The following SERPINA3 variants were observed in gnomAD, a reference collection of about 807,000 sequenced individuals.
SERPINA3 encodes serpin family A member 3, also known as alpha-1-antichymotrypsin.
SERPINA3 carries 32 observed loss-of-function variants against 26.8 expected under a neutral mutation model. The ratio of observed to expected loss-of-function variants is 1.20; its 90% CI spans 0.90 to 1.61. SERPINA3 has a LOEUF of 1.61. Ranked by LOEUF, SERPINA3 falls within the 40% of genes most tolerant of loss-of-function variation. The pLI is 0.00. For missense variants in SERPINA3, 632 were observed against 517.9 expected, an observed-to-expected ratio of 1.22 and a Z score of -2.14; for synonymous variants, 252 against 206.4, an observed-to-expected ratio of 1.22 and a Z score of -1.89.
intron 3 of SERPINA3, among the ~76,000 whole-genome samples, chr14:94,620,336 G>A (rs768113015): frequency 2.6e-5 from 4 of 152,170 alleles, no homozygotes; most frequent in Non-Finnish European, 4.4e-5. Context: ...ATCTTGTCTT[G>A]ATCAGGGAGG....
intron 3 of SERPINA3, 58 bp from the exon 4 acceptor site, chr14:94,622,283 G>A: frequency 6.4e-7 from 1 of 1,555,306 alleles, no homozygotes; most frequent in South Asian, 1.1e-5. Context: ...TGCGAGGTGG[G>A]AGGCAGGTAG....
chr14:94,614,560 A>G lies in SERPINA3; in HGVS notation c.119A>G (p.Asp40Gly). 1.2e-6 allele frequency: 2 copies of G among 1,614,064 alleles called. No individual in the cohort carries two copies. Among genetic ancestry groups the G allele is most frequent in the Non-Finnish European group, 1.7e-6 (2 of 1,180,008 alleles). Residue 40 changes from aspartate (D) to glycine (G), a missense_variant, in exon 2 of 5, where the codon GAC (aspartate) becomes GGC (glycine). Asp to Gly is a moderately conservative substitution (Grantham distance 94). Transcript: ENST00000393078. ...DEENLTQENQ[D>G]RGTHVDLGLA... Reference sequence around the variant, plus strand: ...GAGAATCTGACCCAGGAGAACCAAGACCGAGGGACACACGTGGACCTCGGA... The same window carrying G: ...GAGAATCTGACCCAGGAGAACCAAGGCCGAGGGACACACGTGGACCTCGGA...
chr14:94,621,118 G>A (rs1315001855), intron 3 of SERPINA3, among the ~76,000 whole-genome samples: 1 of 152,108 alleles, frequency 6.6e-6, no homozygotes, highest in East Asian at 1.9e-4. Flanking sequence ...CCACTGTCCA[G>A]AAGGCCGGAC....
chr14:94,612,425 C>A lies in SERPINA3; in HGVS notation c.-31C>A, dbSNP rs1358351153. The A allele has an allele frequency of 1.5e-6, 2 of 1,365,542 alleles. No homozygotes were observed. Among genetic ancestry groups the A allele is most frequent in the Admixed American group, 3.8e-5 (2 of 52,524 alleles). The allele number at this position is 1,365,542 out of a possible 1,614,324, so 84.6% of individuals were successfully genotyped here. ...GACAGACGGCTTTGGAATCCACCAG[C>A]TACATCCAGCTCCCTGAGGCAGGTA... is the stretch of plus-strand genomic sequence containing the variant. On this transcript the variant is annotated 5_prime_UTR_variant, in exon 1 of 5. Transcript: ENST00000393078.
At position 94,619,175 on chromosome 14, in the gene SERPINA3, A is replaced by G. The variant is rs778170089; in HGVS notation, c.644-20A>G. 1.1e-5 allele frequency: 17 copies of G among 1,614,012 alleles called. No individual in the cohort carries two copies. The highest frequency in any genetic ancestry group is 1.4e-5 in the Non-Finnish European group (17 of 1,179,984). ...GACCCTTGCACTCACACCTTCTCCA[A>G]CTGCTTGCTCCACCTTCAGCCAAAT... On this transcript the variant is annotated intron_variant, in intron 2 of 4. Transcript: ENST00000393078.
intron 4 of SERPINA3, 120 bp from the exon 5 acceptor site, chr14:94,623,491 A>C (rs1244982513): frequency 1.1e-6 from 1 of 916,522 alleles, no homozygotes; most frequent in Admixed American, 1.9e-5. Flanking sequence ...ATTCAACAGC[A>C]CAAAGACAGG....
Position 94,622,238 on chromosome 14 carries a change from G to C in SERPINA3, c.918-103G>C, listed in dbSNP as rs1050458405. 8.0e-6 allele frequency: 8 copies of C among 996,388 alleles called. No individual in the cohort carries two copies. In the Admixed American group the frequency reaches 8.5e-5, roughly 11 times the overall value. 61.7% of individuals were successfully genotyped at this position (996,388 alleles called of 1,614,324 possible). On this transcript the variant is annotated intron_variant, in intron 3 of 4. Transcript: ENST00000393078. ...AGATTATTTATTTTCCAATCAGAAG[G>C]GGGTGACTGTAGAGGAAACCAGGGA... is the stretch of plus-strand genomic sequence containing the variant.
intron 2 of SERPINA3, chr14:94,618,869 G>C (rs567704275): frequency 2.1e-6 from 1 of 468,162 alleles, no homozygotes; most frequent in South Asian, 2.2e-5. Flanking sequence ...TTTCTCCTCA[G>C]GCACCAGCCT....
chr14:94,618,999 G>A (rs1265462906), intron 2 of SERPINA3, 196 bp from the exon 3 acceptor site: 6 of 648,522 alleles, frequency 9.3e-6, no homozygotes, highest in South Asian at 1.8e-5. Context: ...TCTTTCTTTT[G>A]TGGCCCTTTT....
intron 2 of SERPINA3, chr14:94,618,294 G>A (rs1886073333): frequency 6.6e-6 from 1 of 152,036 alleles, no homozygotes; most frequent in Non-Finnish European, 1.5e-5. Context: ...TAGGCCTTTA[G>A]TGAGAGGAGT....
At position 94,622,410 on chromosome 14, in the gene SERPINA3, C is replaced by T. The variant is rs201733121; in HGVS notation, c.987C>T (p.Leu329=). 2.5e-6 allele frequency: 4 copies of T among 1,614,042 alleles called. No individual in the cohort carries two copies. The highest frequency in any genetic ancestry group is 2.2e-5 in the East Asian group (1 of 44,850). Residue 329 remains leucine, a synonymous_variant, in exon 4 of 5, where the codon CTC becomes CTT. Transcript: ENST00000393078. Reference sequence around the variant, plus strand: ...ACTATAACCTGAACGACATACTTCTCCAGCTGGGCATTGAGGAAGCCTTCA... The same window carrying T: ...ACTATAACCTGAACGACATACTTCTTCAGCTGGGCATTGAGGAAGCCTTCA... ...SRDYNLNDIL[L]QLGIEEAFTS...
At chr14:94,620,771 G>A (rs11623487) in intron 3 of SERPINA3, among the ~76,000 whole-genome samples, 25,522 of 152,122 alleles carry the variant, frequency 0.17, 2,620 homozygotes, top group Non-Finnish European at 0.24. Context: ...TGAGCTGACC[G>A]ATTTCATGGG....
At chr14:94,612,502 G>C (rs985466089) in intron 1 of SERPINA3, 55 bp downstream of exon 1, 18 of 1,131,694 alleles carry the variant, frequency 1.6e-5, no homozygotes, top group Middle Eastern at 2.3e-4. Context: ...TTCCAGGAGA[G>C]TTTTAGGCAG....
chr14:94,623,574 T>G, intron 4 of SERPINA3, 37 bp from the exon 5 acceptor site: 2 of 1,599,400 alleles, frequency 1.3e-6, no homozygotes, highest in South Asian at 1.1e-5. Context: ...CCTGCGCATC[T>G]GTGTTTCCCG....
rs140884476 is a variant in SERPINA3, at chr14:94,619,275, C to T, written c.724C>T (p.Pro242Ser). The change falls in exon 3 of 5, where the codon CCC becomes TCC. Residue 242 changes from proline to serine, a missense_variant. Transcript: ENST00000393078. ...GAGCAAGAAAAAGTGGGTAATGGTG[C>T]CCATGATGAGTTTGCATCACCTGAC... ...YLSKKKWVMVPMMSLHHLTIP... is the reference protein window; with the variant it reads ...YLSKKKWVMVSMMSLHHLTIP... 57 of 1,614,006 alleles carry T rather than the reference C, an allele frequency of 3.5e-5. No individual in the cohort carries two copies. The highest frequency in any genetic ancestry group is 4.2e-5 in the Non-Finnish European group (50 of 1,180,012).
intron 4 of SERPINA3, chr14:94,622,701 A>T: frequency 1.6e-6 from 1 of 617,546 alleles, no homozygotes; most frequent in Non-Finnish European, 2.9e-6. Context: ...TCTACAACAT[A>T]ATGTCATCCA....
intron 1 of SERPINA3, chr14:94,613,650 C>G (rs1341271526): frequency 6.6e-6 from 1 of 152,260 alleles, no homozygotes; most frequent in Non-Finnish European, 1.5e-5. Context: ...AAATCCCAGT[C>G]CAAGTCTGGG....
intron 4 of SERPINA3, 132 bp from the exon 5 acceptor site, chr14:94,623,475 GCAAA>G: frequency 1.2e-6 from 1 of 815,884 alleles, no homozygotes; most frequent in Admixed American, 2.0e-5. Context: ...GTTGGGAGGA[GCAAA>G]CATTCAACAG....
chr14:94,614,996 G>A lies in SERPINA3; in HGVS notation c.555G>A (p.Lys185=). 6.2e-7 allele frequency: 1 copy of A among 1,614,148 alleles called. No individual in the cohort carries two copies. The highest frequency in any genetic ancestry group is 8.5e-7 in the Non-Finnish European group (1 of 1,179,970). Reference sequence around the variant, plus strand: ...AGAAGCTCATCAACGACTACGTGAAGAATGGAACTAGGGGGAAAATCACAG... The same window carrying A: ...AGAAGCTCATCAACGACTACGTGAAAAATGGAACTAGGGGGAAAATCACAG... The part of the protein sequence containing the change: ...AAKKLINDYV[K]NGTRGKITDL... The change falls in exon 2 of 5, where the codon AAG becomes AAA. Residue 185 remains lysine (K), a synonymous_variant. Coordinates refer to ENST00000393078, the MANE Select transcript of SERPINA3 (RefSeq NM_001085.5).
Sources: gnomAD v4.1 joint callset for allele counts (sites outside exome capture counted in the v4.1 genomes callset) on GRCh38, gnomAD v4.1.1 for gene constraint, MANE v1.5 for transcripts, NCBI Gene and HGNC (gene_info 2026-07-23, HGNC 2026-07-21) for gene names.